Variants in C12orf42 observed in about 807,000 individuals in gnomAD.
C12orf42 encodes the protein uncharacterized protein C12orf42.
Under a neutral mutation model 21.6 loss-of-function variants are expected in C12orf42, and 25 were observed. The observed-to-expected ratio is 1.16, with a 90% CI of 0.84 to 1.62. The LOEUF is 1.62. C12orf42 is among the 40% of genes most tolerant of loss of function. The pLI is 0.00. For synonymous variants in C12orf42, 174 were observed against 175.0 expected (o/e 0.99, Z 0.05); for missense variants, 483 against 459.3 (o/e 1.05, Z -0.47).
chr12:103,239,699 C>G (rs1328849458), intron 10 of C12orf42, among the ~76,000 whole-genome samples: 1 of 152,068 alleles, frequency 6.6e-6, no homozygotes, highest in Non-Finnish European at 1.5e-5. Context: ...TTGAGGGGGG[C>G]AAGGGTGGGT....
intron 5 of C12orf42, 141 bp downstream of exon 5, chr12:103,305,833 G>T: frequency 9.7e-7 from 1 of 1,030,926 alleles, no homozygotes; most frequent in Non-Finnish European, 1.4e-6. Flanking sequence ...TTTCATTGAA[G>T]ACTGGCTACT....
rs779299768 is a variant in C12orf42 at position 103,401,663 on chromosome 12, AG to A, written c.90del (p.Tyr31IlefsTer5). 1 of 1,613,810 alleles carries A rather than the reference AG, an allele frequency of 6.2e-7. No homozygotes were observed. Among genetic ancestry groups the A allele is most frequent in the Non-Finnish European group, 8.5e-7 (1 of 1,179,754 alleles). ...PFANRMQKSP[C>X]YIPIVSSATL... ...GTGGCACTGCTCACAATGGGAATAT[AG>A]CAAGGGGATTTCTGAAACATTAGAA... On this transcript the variant is annotated frameshift_variant, in exon 3 of 6. Transcript: ENST00000548883. LOFTEE classifies it high-confidence loss of function.
the C12orf42 span, among the ~76,000 whole-genome samples, chr12:103,124,808 T>C: frequency 2.0e-5 from 3 of 152,136 alleles, no homozygotes; most frequent in Admixed American, 6.5e-5. Flanking sequence ...TTTTGGGCAA[T>C]ACAGTATCTG....
intron 3 of C12orf42, chr12:103,397,571 T>C (rs1386481880): frequency 2.0e-5 from 3 of 152,182 alleles, no homozygotes; most frequent in Non-Finnish European, 4.4e-5. Flanking sequence ...CCAGAAACCA[T>C]CTCCTCCAAA....
At chr12:103,133,311 C>T in the C12orf42 span, among the ~76,000 whole-genome samples, 1 of 152,160 alleles carries the variant, frequency 6.6e-6, no homozygotes, top group East Asian at 1.9e-4. Flanking sequence ...GACACACCCA[C>T]TTCCCAGAAG....
At chr12:103,235,595 T>C (rs2033442963), downstream of C12orf42, among the ~76,000 whole-genome samples, 1 of 152,194 alleles carries the variant, frequency 6.6e-6, no homozygotes. Context: ...CATGTGTTTA[T>C]GCATAGTGTT....
chr12:103,195,769 T>C, the C12orf42 span, among the ~76,000 whole-genome samples: 1 of 152,184 alleles, frequency 6.6e-6, no homozygotes, highest in Admixed American at 6.5e-5. Context: ...TCCTTTGCTG[T>C]GCAGAAGCTC....
intron 4 of C12orf42, among the ~76,000 whole-genome samples, chr12:103,337,920 C>T (rs1337710142): frequency 2.6e-5 from 4 of 152,158 alleles, no homozygotes; most frequent in Admixed American, 2.6e-4. Context: ...TACCTGACCT[C>T]ATTTCATCCC....
intron 4 of C12orf42, among the ~76,000 whole-genome samples, chr12:103,347,847 A>T (rs2042771009): frequency 6.6e-6 from 1 of 152,160 alleles, no homozygotes; most frequent in African/African-American, 2.4e-5. Context: ...TAGAAAGCAA[A>T]GGTCTGTGGT....
chr12:103,444,516 T>A (rs1951456171), intron 2 of C12orf42, among the ~76,000 whole-genome samples: 1 of 152,118 alleles, frequency 6.6e-6, no homozygotes, highest in Non-Finnish European at 1.5e-5. Flanking sequence ...AGCATATTTT[T>A]AAATAATGTT....
At chr12:103,220,340 A>G in the C12orf42 span, among the ~76,000 whole-genome samples, 1 of 152,162 alleles carries the variant, frequency 6.6e-6, no homozygotes, top group Non-Finnish European at 1.5e-5. Context: ...GCATGTGTAT[A>G]CGTATGTAAC....
At chr12:103,158,932 C>A in the C12orf42 span, among the ~76,000 whole-genome samples, 1 of 150,318 alleles carries the variant, frequency 6.7e-6, no homozygotes, top group Non-Finnish European at 1.5e-5. Context: ...TTTTTTACAT[C>A]AATTACAATA....
the C12orf42 span, among the ~76,000 whole-genome samples, chr12:103,153,044 AG>A: frequency 2.6e-5 from 4 of 152,196 alleles, no homozygotes; most frequent in African/African-American, 9.6e-5. Flanking sequence ...GAGCAAAAAA[AG>A]GTATTGTCAC....
intron 1 of C12orf42, among the ~76,000 whole-genome samples, chr12:103,489,251 C>G (rs1159431084): frequency 6.6e-6 from 1 of 152,144 alleles, no homozygotes; most frequent in East Asian, 1.9e-4. Flanking sequence ...CACTCCAGAC[C>G]CTGTTTGCCT....
At chr12:103,538,826 C>T in the C12orf42 span, among the ~76,000 whole-genome samples, 1 of 152,046 alleles carries the variant, frequency 6.6e-6, no homozygotes. Flanking sequence ...TTCTGTTTTC[C>T]TGGCCAAATC....
chr12:103,449,505 A>G (rs1362275636), intron 2 of C12orf42, among the ~76,000 whole-genome samples: 2 of 152,032 alleles, frequency 1.3e-5, no homozygotes, highest in Admixed American at 1.3e-4. Context: ...AAATAAATTT[A>G]AAAAATAGAC....
downstream of C12orf42, chr12:103,301,918 G>C: frequency 1.5e-6 from 1 of 648,668 alleles, no homozygotes. Context: ...AATACTATTA[G>C]AGATGCTTCA....
chr12:103,369,387 T>C (rs1017909431), intron 3 of C12orf42, among the ~76,000 whole-genome samples: 6 of 151,960 alleles, frequency 3.9e-5, no homozygotes, highest in African/African-American at 1.5e-4. Flanking sequence ...TGGATGGTGA[T>C]TTTTCTATTG....
intron 4 of C12orf42, among the ~76,000 whole-genome samples, chr12:103,344,754 C>T (rs1024756725): frequency 2.3e-4 from 35 of 152,172 alleles, no homozygotes; most frequent in African/African-American, 8.2e-4. Context: ...ACAAACAGAG[C>T]AGAGACAGCT....
Sources: allele counts gnomAD v4.1 joint callset (sites outside exome capture counted in the v4.1 genomes callset), GRCh38; gene constraint gnomAD v4.1.1; transcripts MANE v1.5; gene names NCBI Gene and HGNC (gene_info 2026-07-23, HGNC 2026-07-21).